The following NELL1 variants were observed in gnomAD, a reference collection of about 807,000 sequenced individuals.
The protein encoded by NELL1 is protein kinase C-binding protein NELL1.
A neutral mutation model predicts 107.4 loss-of-function variants in NELL1; 76 were observed. The observed-to-expected ratio is 0.71, with a 90% CI of 0.59 to 0.86. NELL1 has a LOEUF of 0.86. NELL1 is among the 40% of genes least tolerant of loss of function. The pLI, the probability that NELL1 is intolerant of heterozygous loss-of-function variation, is 0.00. For synonymous variants in NELL1, 353 were observed against 341.2 expected (o/e 1.03, Z -0.38); for missense variants, 1,024 against 1,005.5 (o/e 1.02, Z -0.25).
At chr11:21,083,472 C>T (rs982143215) in intron 12 of NELL1, among the ~76,000 whole-genome samples, 14 of 152,156 alleles carry the variant, frequency 9.2e-5, no homozygotes, top group Non-Finnish European at 2.1e-4. Context: ...CCAGTGTTAA[C>T]AGGTTACACA....
chr11:20,958,239 G>A (rs999632356), intron 11 of NELL1, among the ~76,000 whole-genome samples: 4 of 151,966 alleles, frequency 2.6e-5, no homozygotes, highest in African/African-American at 7.3e-5. Context: ...GCAACATAGT[G>A]AGACTTCATC....
intron 9 of NELL1, among the ~76,000 whole-genome samples, chr11:20,929,498 G>T (rs1850572242): frequency 6.6e-6 from 1 of 151,500 alleles, no homozygotes; most frequent in Non-Finnish European, 1.5e-5. Context: ...ACTTGGAGTT[G>T]CTCTAAAGAG....
At chr11:21,108,989 C>A (rs948017941) in intron 12 of NELL1, among the ~76,000 whole-genome samples, 7 of 152,082 alleles carry the variant, frequency 4.6e-5, no homozygotes, top group African/African-American at 1.7e-4. Flanking sequence ...TTATTGAGTG[C>A]TAAAACTGGC....
chr11:21,352,220 C>A (rs1487855382), intron 14 of NELL1, among the ~76,000 whole-genome samples: 2 of 152,078 alleles, frequency 1.3e-5, no homozygotes, highest in East Asian at 1.9e-4. Context: ...ATCTCCTTTA[C>A]CCTGCTTTAG....
chr11:20,791,993 T>C (rs1328028956), intron 3 of NELL1, among the ~76,000 whole-genome samples: 1 of 152,124 alleles, frequency 6.6e-6, no homozygotes, highest in African/African-American at 2.4e-5. Context: ...ATCCTTTTTC[T>C]ATTTTATGGA....
intron 12 of NELL1, among the ~76,000 whole-genome samples, chr11:21,100,877 T>C (rs948100719): frequency 2.0e-5 from 3 of 152,158 alleles, no homozygotes; most frequent in Non-Finnish European, 4.4e-5. Flanking sequence ...TTAGAGTACA[T>C]GTGCACAACG....
At chr11:20,940,523 A>G (rs1453051273) in intron 10 of NELL1, among the ~76,000 whole-genome samples, 2 of 152,080 alleles carry the variant, frequency 1.3e-5, no homozygotes, top group African/African-American at 4.8e-5. Context: ...TGGTGGGATT[A>G]CAGGTGTGAG....
At chr11:21,034,069 T>A (rs1365924611) in intron 12 of NELL1, among the ~76,000 whole-genome samples, 1 of 152,190 alleles carries the variant, frequency 6.6e-6, no homozygotes, top group Non-Finnish European at 1.5e-5. Flanking sequence ...GGTGTCTTCA[T>A]TATGAAACCT....
intron 14 of NELL1, among the ~76,000 whole-genome samples, chr11:21,341,294 C>T (rs1236526933): frequency 6.6e-6 from 1 of 152,170 alleles, no homozygotes; most frequent in African/African-American, 2.4e-5. Context: ...CCATAAGCCT[C>T]CAGAACTACA....
intron 12 of NELL1, among the ~76,000 whole-genome samples, chr11:20,975,780 A>G (rs1194609882): frequency 7.4e-6 from 1 of 135,798 alleles, no homozygotes; most frequent in African/African-American, 2.7e-5. Context: ...TATATGATAT[A>G]CATATTATAT....
intron 14 of NELL1, among the ~76,000 whole-genome samples, chr11:21,244,882 T>C (rs1010393386): frequency 1.3e-5 from 2 of 152,150 alleles, no homozygotes; most frequent in African/African-American, 2.4e-5. Context: ...GCTAGTCACT[T>C]AACTTCTCTG....
intron 2 of NELL1, among the ~76,000 whole-genome samples, chr11:20,730,059 C>G (rs771856920): frequency 6.6e-6 from 1 of 152,192 alleles, no homozygotes; most frequent in African/African-American, 2.4e-5. Flanking sequence ...ACCTTAGACA[C>G]AGCTTCCCCG....
At chr11:20,731,454 G>A (rs988937523) in intron 2 of NELL1, among the ~76,000 whole-genome samples, 9 of 152,150 alleles carry the variant, frequency 5.9e-5, no homozygotes, top group African/African-American at 2.2e-4. Flanking sequence ...GGTTAGAGGG[G>A]GCGTCACTGT....
At chr11:20,843,623 AAT>A (rs1848656223) in intron 3 of NELL1, among the ~76,000 whole-genome samples, 1 of 87,964 alleles carries the variant, frequency 1.1e-5, no homozygotes, top group Non-Finnish European at 3.5e-5. Flanking sequence ...TAAATATATG[AAT>A]ATAAAATTTT....
intron 14 of NELL1, among the ~76,000 whole-genome samples, chr11:21,296,538 C>A (rs1293499530): frequency 1.3e-5 from 2 of 151,862 alleles, no homozygotes; most frequent in East Asian, 3.9e-4. Flanking sequence ...ATACTGATAA[C>A]CATACAAAAC....
chr11:20,686,944 T>C (rs545216683), intron 2 of NELL1, among the ~76,000 whole-genome samples: 1 of 151,762 alleles, frequency 6.6e-6, no homozygotes, highest in African/African-American at 2.4e-5. Context: ...TTTTTTTTTT[T>C]TTTAATAGAG....
intron 15 of NELL1, among the ~76,000 whole-genome samples, chr11:21,476,632 A>G (rs535221541): frequency 2.6e-5 from 4 of 152,278 alleles, no homozygotes; most frequent in African/African-American, 9.6e-5. Flanking sequence ...ACCAAAAATC[A>G]CTGTGAGTGA....
chr11:20,728,383 C>T (rs1385751926), intron 2 of NELL1, among the ~76,000 whole-genome samples: 1 of 152,050 alleles, frequency 6.6e-6, no homozygotes, highest in Non-Finnish European at 1.5e-5. Context: ...TCTTACTTTT[C>T]AAGGTCAATG....
intron 12 of NELL1, among the ~76,000 whole-genome samples, chr11:21,088,057 CTCTGTGTGTGTGTG>C (rs1296857706): frequency 1.7e-3 from 203 of 119,696 alleles, no homozygotes; most frequent in African/African-American, 6.0e-3. Flanking sequence ...GTCCCAGTAG[CTCTGTGTGTGTGTG>C]TGTGTGTGTG....
Sources: allele counts gnomAD v4.1 joint callset (sites outside exome capture counted in the v4.1 genomes callset), GRCh38; gene constraint gnomAD v4.1.1; transcripts MANE v1.5; gene names NCBI Gene and HGNC (gene_info 2026-07-23, HGNC 2026-07-21).